PEX14: variants seen among roughly 807,000 people sequenced by gnomAD.
The protein encoded by PEX14 is peroxisomal biogenesis factor 14.
A neutral mutation model predicts 49.5 loss-of-function variants in PEX14; 15 were observed. The ratio of observed to expected loss-of-function variants is 0.30; its 90% confidence interval spans 0.20 to 0.47. PEX14 has a LOEUF of 0.47. Ranked by LOEUF, PEX14 falls within the 20% of genes least tolerant of loss-of-function variation. The probability of loss-of-function intolerance (pLI) is 1.00; values close to 1 mark genes in which losing one functional copy is unlikely to be tolerated. For synonymous variants in PEX14, 210 were observed against 212.7 expected, an observed-to-expected ratio of 0.99 and a Z score of 0.11; for missense variants, 398 against 494.8, an observed-to-expected ratio of 0.80 and a Z score of 1.86.
At chr1:10,538,016 A>C (rs1326569618) in intron 3 of PEX14, among the ~76,000 whole-genome samples, 1 of 152,236 alleles carries the variant, frequency 6.6e-6, no homozygotes, top group Non-Finnish European at 1.5e-5. Context: ...TGTGCACCCT[A>C]TGCCCTGTCC....
chr1:10,593,229 G>A (rs1640721919), intron 3 of PEX14, among the ~76,000 whole-genome samples: 1 of 152,178 alleles, frequency 6.6e-6, no homozygotes, highest in Non-Finnish European at 1.5e-5. Flanking sequence ...AAGTTTTAAT[G>A]AGAGGTGCCC....
At chr1:10,577,821 T>G (rs938064998) in intron 3 of PEX14, among the ~76,000 whole-genome samples, 1 of 150,904 alleles carries the variant, frequency 6.6e-6, no homozygotes, top group Admixed American at 6.6e-5. Context: ...CAGGATGGTC[T>G]TGATCTCCTG....
intron 4 of PEX14, among the ~76,000 whole-genome samples, chr1:10,615,645 A>T (rs1641392821): frequency 6.6e-6 from 1 of 152,198 alleles, no homozygotes; most frequent in Admixed American, 6.5e-5. Context: ...GGGGGTTCTG[A>T]GGCTCACAGG....
At chr1:10,564,000 CAT>C (rs59001371) in intron 3 of PEX14, among the ~76,000 whole-genome samples, 23,612 of 151,826 alleles carry the variant, frequency 0.16, 2,098 homozygotes, top group South Asian at 0.31. Flanking sequence ...GAAGGTGAAA[CAT>C]GTTTTTATCT....
At chr1:10,504,425 G>T (rs1158449206) in intron 2 of PEX14, among the ~76,000 whole-genome samples, 2 of 152,220 alleles carry the variant, frequency 1.3e-5, no homozygotes, top group East Asian at 3.8e-4. Context: ...CAGGAGTCTG[G>T]ATAAATTACC....
chr1:10,553,891 C>G (rs1570256288), intron 3 of PEX14, among the ~76,000 whole-genome samples: 1 of 152,184 alleles, frequency 6.6e-6, no homozygotes, highest in East Asian at 1.9e-4. Flanking sequence ...CCCTGCACAC[C>G]TGTGACATGA....
At chr1:10,598,091 G>A (rs1570327462) in intron 3 of PEX14, among the ~76,000 whole-genome samples, 1 of 152,322 alleles carries the variant, frequency 6.6e-6, no homozygotes, top group Middle Eastern at 3.4e-3. Context: ...GAGAGCTGCC[G>A]ACCAGATGTG....
intron 3 of PEX14, among the ~76,000 whole-genome samples, chr1:10,553,059 C>A (rs192802339): frequency 5.2e-4 from 79 of 152,236 alleles, no homozygotes; most frequent in Middle Eastern, 3.4e-3. Flanking sequence ...GTGGGGAAAC[C>A]ACGGAAAAGT....
At chr1:10,499,654 G>A (rs145427048) in intron 2 of PEX14, among the ~76,000 whole-genome samples, 2,391 of 151,960 alleles carry the variant, frequency 0.016, 25 homozygotes, top group Non-Finnish European at 0.024. Context: ...TCACCATGTT[G>A]GCCAGGATGG....
intron 1 of PEX14, among the ~76,000 whole-genome samples, chr1:10,485,297 TG>T (rs1641347859): frequency 1.4e-5 from 2 of 142,560 alleles, no homozygotes; most frequent in African/African-American, 2.8e-5. Flanking sequence ...TATTTGTGTG[TG>T]GTTTTTTTTT....
chr1:10,543,910 A>G (rs1338957236), intron 3 of PEX14, among the ~76,000 whole-genome samples: 1 of 152,214 alleles, frequency 6.6e-6, no homozygotes, highest in African/African-American at 2.4e-5. Flanking sequence ...CATGGAGCAC[A>G]GAGAAACTCT....
At chr1:10,553,429 C>A (rs773344411) in intron 3 of PEX14, among the ~76,000 whole-genome samples, 3 of 152,208 alleles carry the variant, frequency 2.0e-5, no homozygotes, top group African/African-American at 4.8e-5. Context: ...GGATGCCCCA[C>A]AGTCAGGCAG....
chr1:10,545,077 G>T, intron 3 of PEX14, among the ~76,000 whole-genome samples: 1 of 152,114 alleles, frequency 6.6e-6, no homozygotes, highest in South Asian at 2.1e-4. Context: ...TTTGCATTTT[G>T]TAGAAATTTA....
chr1:10,504,782 TCCCTC>T (rs949109283), intron 2 of PEX14, among the ~76,000 whole-genome samples: 4 of 151,606 alleles, frequency 2.6e-5, no homozygotes, highest in African/African-American at 9.7e-5. Context: ...CTTCTTTCCT[TCCCTC>T]CCCTCCCCTC....
At chr1:10,625,870 C>T (rs1051806355) in intron 7 of PEX14, among the ~76,000 whole-genome samples, 4 of 152,210 alleles carry the variant, frequency 2.6e-5, no homozygotes, top group Admixed American at 2.6e-4. Context: ...CCTCAGAGTC[C>T]CTCGAGCTGG....
intron 3 of PEX14, among the ~76,000 whole-genome samples, chr1:10,558,451 G>C (rs1639557769): frequency 6.6e-6 from 1 of 152,040 alleles, no homozygotes; most frequent in African/African-American, 2.4e-5. Flanking sequence ...AATTACTTTG[G>C]AAGCTGGACG....
chr1:10,493,454 G>T (rs138160918), intron 1 of PEX14, among the ~76,000 whole-genome samples: 1 of 152,186 alleles, frequency 6.6e-6, no homozygotes, highest in African/African-American at 2.4e-5. Context: ...TTGAGACAGG[G>T]TCTGGCTCTG....
At chr1:10,501,509 G>C (rs1422781601) in intron 2 of PEX14, among the ~76,000 whole-genome samples, 2 of 152,078 alleles carry the variant, frequency 1.3e-5, no homozygotes, top group Admixed American at 1.3e-4. Flanking sequence ...CACCGTGTTA[G>C]CCAGGATGGT....
intron 2 of PEX14, among the ~76,000 whole-genome samples, chr1:10,513,935 C>T (rs1163235578): frequency 2.0e-5 from 3 of 152,186 alleles, no homozygotes; most frequent in African/African-American, 7.2e-5. Flanking sequence ...TTCATCCGCT[C>T]ACCCCCTGCT....
Sources: allele counts gnomAD v4.1 joint callset (sites outside exome capture counted in the v4.1 genomes callset), GRCh38; gene constraint gnomAD v4.1.1; transcripts MANE v1.5; gene names NCBI Gene and HGNC (gene_info 2026-07-23, HGNC 2026-07-21).